Variants in TSC2 observed in about 807,000 individuals in gnomAD.
The protein encoded by TSC2 is tuberin.
In TSC2, 29 loss-of-function variants were observed where a neutral mutation model predicts 202.2. That is an observed-to-expected ratio of 0.14 (90% confidence interval 0.11 to 0.20). TSC2 has a LOEUF of 0.20. Ranked by LOEUF, TSC2 falls within the 10% of genes least tolerant of loss-of-function variation. TSC2 has a pLI of 1.00. For synonymous variants in TSC2, 1,349 were observed against 1,044.0 expected (o/e 1.29, Z -5.63); for missense variants, 2,429 against 2,420.0 (o/e 1.00, Z -0.08).
At chr16:2,082,693 G>C (rs2090291203) in intron 32 of TSC2, 189 bp downstream of exon 32, 2 of 682,724 alleles carry the variant, frequency 2.9e-6, no homozygotes, top group Non-Finnish European at 5.2e-6. Flanking sequence ...CCCTTGACTT[G>C]GTCCCTTTGT....
At chr16:2,055,543 T>G in intron 6 of TSC2, 24 bp downstream of exon 6, 1 of 1,598,140 alleles carries the variant, frequency 6.3e-7, no homozygotes, top group Non-Finnish European at 8.6e-7. Context: ...TGAGATCCTG[T>G]TCTGATAATG....
intron 16 of TSC2, among the ~76,000 whole-genome samples, chr16:2,068,126 G>A (rs1270674075): frequency 2.0e-5 from 3 of 152,050 alleles, no homozygotes; most frequent in Non-Finnish European, 4.4e-5. Context: ...TGCAACCTCC[G>A]CCTCCCAGGT....
Position 2,077,618 on chromosome 16 carries a change from C to T in TSC2, c.2858C>T (p.Pro953Leu), listed in dbSNP as rs1303011979. The change falls in exon 26 of 42, where the codon CCC (proline) becomes CTC (leucine). Residue 953 changes from proline to leucine, a missense_variant. By Grantham distance (98) the Pro-to-Leu change is moderately conservative. Coordinates refer to ENST00000219476, the MANE Select transcript of TSC2 (RefSeq NM_000548.5). ...GATAGTCTGAGGATAGCCAGACCCC[C>T]CAAACAAGGCTTGAATAACTCTCCA... Reference protein sequence around the residue: ...RPKSLRIARPPKQGLNNSPPV... With the variant: ...RPKSLRIARPLKQGLNNSPPV... The T allele has an allele frequency of 6.2e-7, 1 of 1,613,180 alleles. No individual in the cohort carries two copies.
intron 9 of TSC2, among the ~76,000 whole-genome samples, chr16:2,058,214 C>T (rs1376252188): frequency 3.3e-5 from 5 of 150,726 alleles, no homozygotes; most frequent in African/African-American, 9.8e-5. Context: ...CCCTGCCCCA[C>T]CCCCTGCATC....
intron 3 of TSC2, 21 bp downstream of exon 3, chr16:2,050,507 T>C (rs1365553497): frequency 7.5e-6 from 12 of 1,609,804 alleles, no homozygotes; most frequent in Non-Finnish European, 1.0e-5. Context: ...CCAGTTGAGC[T>C]ACTAGAGAGA....
rs747173035 is a variant in TSC2, at chr16:2,070,464, G to T, written c.1725G>T (p.Leu575=). ...GCGTCCTCTCTCTGCAGACCAAGCT[G>T]TACACCCTGCCTGCAAGCCACGCCA... ...LGLLVILQTK[L]YTLPASHATR... The change falls in exon 17 of 42, where the codon CTG becomes CTT. Residue 575 remains leucine (L), a synonymous_variant. Coordinates refer to ENST00000219476, the MANE Select transcript of TSC2 (RefSeq NM_000548.5). 6.2e-7 allele frequency: 1 copy of T among 1,613,368 alleles called. No homozygotes were observed. Among genetic ancestry groups the T allele is most frequent in the East Asian group, 2.2e-5 (1 of 44,886 alleles).
intron 9 of TSC2, among the ~76,000 whole-genome samples, chr16:2,058,152 C>T (rs983394952): frequency 2.7e-5 from 4 of 147,456 alleles, no homozygotes; most frequent in South Asian, 2.2e-4. Flanking sequence ...TCCCTCCTCC[C>T]GTAGAACCAG....
chr16:2,074,921 AG>A (rs1261427689), intron 22 of TSC2: 1 of 197,444 alleles, frequency 5.1e-6, no homozygotes, highest in East Asian at 1.2e-4. Flanking sequence ...ACCCTTTAGA[AG>A]TGTAGAAGCC....
In TSC2 at chr16:2,089,288, G is replaced by A. The variant is rs373639226; in HGVS notation, c.*678G>A. ...TTAACACCATATAAATTACTGACACGAGACACACAGTGAGACGGTGCAGGG... is the reference window on the plus strand; with the variant it reads ...TTAACACCATATAAATTACTGACACAAGACACACAGTGAGACGGTGCAGGG... On this transcript the variant is annotated 3_prime_UTR_variant, in exon 42 of 42. Coordinates refer to ENST00000219476, the MANE Select transcript of TSC2 (RefSeq NM_000548.5). The A allele has an allele frequency of 8.3e-5, 18 of 216,334 alleles. No individual in the cohort carries two copies. The highest frequency in any genetic ancestry group is 1.6e-4 in the African/African-American group (7 of 43,538). 13.4% of individuals were successfully genotyped at this position (216,334 alleles called of 1,614,324 possible). A position where few individuals can be genotyped will look rare whatever the true frequency, so the allele number is the denominator to read the frequency against.
Position 2,058,723 on chromosome 16 carries a change from C to T in TSC2, c.849-24C>T, listed in dbSNP as rs373618207. 616 of 1,567,080 alleles carry T rather than the reference C, an allele frequency of 3.9e-4. 1 individual carries two copies. Among genetic ancestry groups the T allele is most frequent in the Non-Finnish European group, 5.1e-4 (593 of 1,156,398 alleles). On this transcript the variant is annotated intron_variant, in intron 9 of 41. Transcript: ENST00000219476. Reference sequence around the variant, plus strand: ...CTGGGACAGGGCCCTGCTCACATTCCGTCTCTCTGGGGAACACTTTTAGAG... The same window carrying T: ...CTGGGACAGGGCCCTGCTCACATTCTGTCTCTCTGGGGAACACTTTTAGAG...
intron 9 of TSC2, among the ~76,000 whole-genome samples, chr16:2,058,341 C>G (rs950278387): frequency 6.6e-6 from 1 of 152,232 alleles, no homozygotes; most frequent in Non-Finnish European, 1.5e-5. Context: ...GAGGTCTTAG[C>G]GTGGTCACTG....
rs2151189527 is a variant in TSC2, at chr16:2,064,326, A to G, written c.1498A>G (p.Lys500Glu). 1 of 1,613,866 alleles carries G rather than the reference A, an allele frequency of 6.2e-7. No homozygotes were observed. Among genetic ancestry groups the G allele is most frequent in the Non-Finnish European group, 8.5e-7 (1 of 1,180,024 alleles). The change falls in exon 15 of 42, where the codon AAA becomes GAA. Residue 500 changes from lysine (K) to glutamate (E), a missense_variant. Coordinates refer to ENST00000219476, the MANE Select transcript of TSC2 (RefSeq NM_000548.5). Reference sequence around the variant, plus strand: ...GCAGCTCTCCCACATCCCCGAGGATAAAGACCACCAGGTCCGAAAGCTGGC... The same window carrying G: ...GCAGCTCTCCCACATCCCCGAGGATGAAGACCACCAGGTCCGAAAGCTGGC... ...ISQLSHIPED[K>E]DHQVRKLATQ...
chr16:2,086,754 G>A lies in TSC2; in HGVS notation c.4872G>A (p.Leu1624=), dbSNP rs2151584763. The part of the protein sequence containing the change: ...IMQAVFHIAT[L]MPTKDVDKHR... ...CAGCCGTCTTCCACATCGCCACCCT[G>A]ATGCCCACCAAGGACGTGGACAAGC... Residue 1624 remains leucine (L), a synonymous_variant, in exon 38 of 42, where the codon CTG becomes CTA. Coordinates refer to ENST00000219476, the MANE Select transcript of TSC2 (RefSeq NM_000548.5). 6.2e-7 allele frequency: 1 copy of A among 1,610,974 alleles called. No homozygotes were observed. Among genetic ancestry groups the A allele is most frequent in the Non-Finnish European group, 8.5e-7 (1 of 1,179,956 alleles).
intron 2 of TSC2, among the ~76,000 whole-genome samples, chr16:2,050,087 C>T (rs544313354): frequency 3.8e-4 from 58 of 151,860 alleles, no homozygotes; most frequent in African/African-American, 1.3e-3. Context: ...TCCCGAGTAG[C>T]TGGGATTATA....
intron 14 of TSC2, chr16:2,064,065 C>CT (rs2086977526): frequency 1.3e-6 from 1 of 745,716 alleles, no homozygotes; most frequent in Non-Finnish European, 2.3e-6. Context: ...CACCAGCCTT[C>CT]TGAACGAGGA....
intron 13 of TSC2, 164 bp from the exon 14 acceptor site, chr16:2,062,808 C>A: frequency 2.1e-6 from 2 of 934,624 alleles, no homozygotes; most frequent in South Asian, 1.5e-5. Flanking sequence ...TCCCTCTTTT[C>A]GGGGGTCGTC....
intron 15 of TSC2, chr16:2,064,641 T>A: frequency 1.4e-6 from 1 of 722,016 alleles, no homozygotes; most frequent in Non-Finnish European, 2.3e-6. Context: ...ATGGGTGTCC[T>A]GTCACACTCT....
At chr16:2,056,892 C>A in intron 8 of TSC2, 123 bp downstream of exon 8, 2 of 1,506,078 alleles carry the variant, frequency 1.3e-6, no homozygotes, top group Non-Finnish European at 1.8e-6. Flanking sequence ...TGTTGAGGGA[C>A]GGCCAGTGTC....
chr16:2,061,859 C>G lies in TSC2; in HGVS notation c.1120-12C>G. On this transcript the variant is annotated splice_polypyrimidine_tract_variant and intron_variant, in intron 11 of 41. Coordinates refer to ENST00000219476, the MANE Select transcript of TSC2 (RefSeq NM_000548.5). ...TGGAAGTCAGCCTGTGTCATCGTGCCTGGTACTGCAGACCTTGGACAGCCC... is the reference window on the plus strand; with the variant it reads ...TGGAAGTCAGCCTGTGTCATCGTGCGTGGTACTGCAGACCTTGGACAGCCC... The G allele has an allele frequency of 1.2e-6, 2 of 1,614,086 alleles. No individual in the cohort carries two copies. The highest frequency in any genetic ancestry group is 2.2e-5 in the South Asian group (2 of 91,088).
Sources: allele counts gnomAD v4.1 joint callset (sites outside exome capture counted in the v4.1 genomes callset), GRCh38; gene constraint gnomAD v4.1.1; transcripts MANE v1.5; gene names NCBI Gene and HGNC (gene_info 2026-07-23, HGNC 2026-07-21).